EGFL6: variants seen among roughly 807,000 people sequenced by gnomAD.
The protein encoded by EGFL6 is EGF like domain multiple 6, also known as epidermal growth factor-like protein 6.
A neutral mutation model predicts 43.1 loss-of-function variants in EGFL6; 42 were observed. The observed-to-expected ratio is 0.98, with a 90% confidence interval of 0.76 to 1.26. The LOEUF is 1.26. Ranked by LOEUF, EGFL6 falls within the 50% of genes most tolerant of loss-of-function variation. The pLI, the probability that EGFL6 is intolerant of heterozygous loss-of-function variation, is 0.00. For synonymous variants in EGFL6, 164 were observed against 163.2 expected (o/e 1.01, Z -0.04); for missense variants, 429 against 427.8 (o/e 1.00, Z -0.02).
At chrX:13,631,943 T>C (rs1359151942) in intron 11 of EGFL6, among the ~76,000 whole-genome samples, 2 of 111,963 alleles carry the variant, frequency 1.8e-5, no homozygotes, top group African/African-American at 6.5e-5. Flanking sequence ...CCCCTGTCAT[T>C]TTGTGTCCAA....
intron 3 of EGFL6, chrX:13,596,301 T>A (rs936526553): frequency 6.3e-5 from 7 of 111,690 alleles, no homozygotes; most frequent in African/African-American, 2.3e-4. Flanking sequence ...ATTTGGCTGA[T>A]CTGGCTGGCT....
intron 2 of EGFL6, among the ~76,000 whole-genome samples, chrX:13,594,449 A>G (rs1043499542): frequency 1.8e-5 from 2 of 111,812 alleles, no homozygotes; most frequent in Non-Finnish European, 3.8e-5. Context: ...TCTGACTGAT[A>G]ATGTGCAGCA....
At chrX:13,617,100 G>A (rs1261350836) in intron 7 of EGFL6, among the ~76,000 whole-genome samples, 3 of 111,734 alleles carry the variant, frequency 2.7e-5, no homozygotes, top group Non-Finnish European at 5.6e-5. Context: ...TTTGTGGTGG[G>A]AAATAGAAAA....
chrX:13,610,109 A>T lies in EGFL6; in HGVS notation c.778+1663A>T, dbSNP rs754976663. ...GGCTATTGTTGAGCACCACTGGACA[A>T]GAGTATGTATAAAAGAATATAACCA... is the stretch of plus-strand genomic sequence containing the variant. On this transcript the variant is annotated intron_variant, in intron 7 of 11. Coordinates refer to ENST00000361306, the MANE Select transcript of EGFL6 (RefSeq NM_015507.4). Among the ~76,000 whole-genome samples the T allele has an allele frequency of 2.7e-5, 3 of 112,415 alleles. No individual in the cohort carries two copies. In the South Asian group the frequency reaches 1.1e-3, roughly 42 times the overall value.
In EGFL6 at chrX:13,633,011, G is replaced by A. The variant is rs1299297015; in HGVS notation, c.1578G>A (p.Lys526=). The change falls in exon 12 of 12, where the codon AAG becomes AAA. Residue 526 remains lysine, a synonymous_variant. Transcript: ENST00000361306. ...TCATTTTTGAAGCAGAACGTGGCAA[G>A]GGCAAAACCGGCGAAATCGCAGTGG... ...KSIIFEAERG[K]GKTGEIAVDG... is the part of the protein sequence containing the mutation. The A allele has an allele frequency of 6.6e-6, 8 of 1,207,317 alleles. No homozygotes were observed. The highest frequency in any genetic ancestry group is 8.9e-6 in the Non-Finnish European group (8 of 894,129).
At chrX:13,607,416 T>G (rs1042272274) in intron 6 of EGFL6, among the ~76,000 whole-genome samples, 1 of 112,101 alleles carries the variant, frequency 8.9e-6, no homozygotes, top group East Asian at 2.8e-4. Flanking sequence ...AACACACAAT[T>G]GCTGGGTTTC....
At chrX:13,589,772 A>G (rs2045553857) in intron 2 of EGFL6, 104 bp downstream of exon 2, 1 of 601,365 alleles carries the variant, frequency 1.7e-6, no homozygotes, top group African/African-American at 2.3e-5. Flanking sequence ...CTCTCAGGCA[A>G]GGACATGCAT....
intron 1 of EGFL6, among the ~76,000 whole-genome samples, chrX:13,577,341 TAC>T (rs1555953254): frequency 2.3e-3 from 28 of 12,014 alleles, no homozygotes; most frequent in African/African-American, 6.2e-3. Context: ...TATATATATA[TAC>T]ATACACACAC....
At chrX:13,630,797 T>C (rs769382456) in intron 11 of EGFL6, among the ~76,000 whole-genome samples, 2 of 112,190 alleles carry the variant, frequency 1.8e-5, no homozygotes, top group Non-Finnish European at 3.8e-5. Flanking sequence ...AGTTGCTTCA[T>C]TTCTGAAGAC....
At chrX:13,603,681 T>G (rs2045646235) in intron 5 of EGFL6, among the ~76,000 whole-genome samples, 1 of 112,423 alleles carries the variant, frequency 8.9e-6, no homozygotes, top group South Asian at 3.6e-4. Flanking sequence ...AGGGATAATT[T>G]TAGTATATTT....
In EGFL6 at chrX:13,578,767, C is replaced by T. The variant is rs184494490; in HGVS notation, c.74+8832C>T. The stretch of plus-strand genomic sequence containing the variant: ...ACACAGGAAGGGGAACATCACACAC[C>T]GGGGCCTGTCGTGGGGTGGGGGCAG... On this transcript the variant is annotated intron_variant, in intron 1 of 11. Transcript: ENST00000361306. Among the ~76,000 whole-genome samples, 284 of 107,106 alleles carry T rather than the reference C, an allele frequency of 2.7e-3. 8 individuals are homozygous for T. Among genetic ancestry groups the T allele is most frequent in the African/African-American group, 0.01 (276 of 27,463 alleles). The allele number at this position is 107,106 out of a possible 115,157, so 93.0% of individuals were successfully genotyped here. A position where few individuals can be genotyped will look rare whatever the true frequency, so the allele number is the denominator to read the frequency against.
chrX:13,609,015 C>T (rs887445715), intron 7 of EGFL6, among the ~76,000 whole-genome samples: 1 of 112,530 alleles, frequency 8.9e-6, no homozygotes, highest in African/African-American at 3.2e-5. Context: ...TTATTTAATA[C>T]TTTTTGTTAA....
In EGFL6 at chrX:13,633,024, G is replaced by A. The variant is rs774018380; in HGVS notation, c.1591G>A (p.Glu531Lys). ...EAERGKGKTGEIAVDGVLLVS... is the reference protein window; with the variant it reads ...EAERGKGKTGKIAVDGVLLVS... ...AGAACGTGGCAAGGGCAAAACCGGC[G>A]AAATCGCAGTGGATGGCGTCTTGCT... is the stretch of plus-strand genomic sequence containing the variant. The change falls in exon 12 of 12, where the codon GAA becomes AAA. Residue 531 changes from glutamate to lysine, a missense_variant. Glu to Lys is a moderately conservative substitution (Grantham distance 56). Coordinates refer to ENST00000361306, the MANE Select transcript of EGFL6 (RefSeq NM_015507.4). The A allele has an allele frequency of 1.6e-5, 19 of 1,207,594 alleles. No homozygotes were observed. In the East Asian group the frequency reaches 2.7e-4, roughly 17 times the overall value.
At position 13,608,352 on chromosome X, in the gene EGFL6, T is replaced by C; in HGVS notation, c.684T>C (p.His228=). 1 of 1,205,467 alleles carries C rather than the reference T, an allele frequency of 8.3e-7. No homozygotes were observed. The change falls in exon 7 of 12, where the codon CAT becomes CAC. Residue 228 remains histidine (H), a synonymous_variant. Transcript: ENST00000361306. ...TAAATGAATGTACTATGGATAGCCA[T>C]ACGTGCAGCCACCATGCCAATTGCT... is the stretch of plus-strand genomic sequence containing the variant. ...IDINECTMDS[H]TCSHHANCFN...
At chrX:13,582,580 T>C (rs1288403212) in intron 1 of EGFL6, among the ~76,000 whole-genome samples, 1 of 111,415 alleles carries the variant, frequency 9.0e-6, no homozygotes, top group Non-Finnish European at 1.9e-5. Flanking sequence ...GGGAGTTTTA[T>C]AAGTAACACT....
At chrX:13,602,254 G>A (rs772694320) in intron 4 of EGFL6, among the ~76,000 whole-genome samples, 1 of 110,846 alleles carries the variant, frequency 9.0e-6, no homozygotes, top group Admixed American at 9.6e-5. Flanking sequence ...ATGGAGGGAG[G>A]GAGTACATTC....
At chrX:13,590,935 C>G (rs1306766990) in intron 2 of EGFL6, among the ~76,000 whole-genome samples, 1 of 111,752 alleles carries the variant, frequency 8.9e-6, no homozygotes, top group Non-Finnish European at 1.9e-5. Flanking sequence ...CATTGAGAAC[C>G]AGACTGACGT....
In EGFL6 at chrX:13,616,931, G is replaced by A. The variant is rs959892836; in HGVS notation, c.779-799G>A. Among the ~76,000 whole-genome samples, 9 of 104,763 alleles carry A rather than the reference G, an allele frequency of 8.6e-5. No individual in the cohort carries two copies. In the East Asian group the frequency reaches 1.8e-3, roughly 21 times the overall value. 91.0% of individuals were successfully genotyped at this position (104,763 alleles called of 115,157 possible). On this transcript the variant is annotated intron_variant, in intron 7 of 11. Transcript: ENST00000361306. Reference sequence around the variant, plus strand: ...AGGCCGGACTGCGGACTGCAGTGGCGCAATCTCGGCTCACTGCAAGCTCCG... The same window carrying A: ...AGGCCGGACTGCGGACTGCAGTGGCACAATCTCGGCTCACTGCAAGCTCCG...
At chrX:13,586,742 AT>A (rs1006335658) in intron 1 of EGFL6, among the ~76,000 whole-genome samples, 29 of 112,277 alleles carry the variant, frequency 2.6e-4, no homozygotes, top group Non-Finnish European at 4.9e-4. Context: ...CCCAAGAGAA[AT>A]TAAAACATAT....
Sources: allele counts gnomAD v4.1 joint callset (sites outside exome capture counted in the v4.1 genomes callset), GRCh38; gene constraint gnomAD v4.1.1; transcripts MANE v1.5; gene names NCBI Gene and HGNC (gene_info 2026-07-23, HGNC 2026-07-21).